The following NEAT1 variants were observed in gnomAD, a reference collection of about 807,000 sequenced individuals.
NEAT1 encodes MENepsilon/beta.
chr11:65,431,575 T>C (rs576092928), exon 1 of NEAT1: 3 of 152,298 alleles, frequency 2.0e-5, no homozygotes, highest in African/African-American at 7.2e-5. Flanking sequence ...CACTTGTTAT[T>C]TTCTGCTTTT....
exon 1 of NEAT1, chr11:65,441,305 T>C (rs1856711945): frequency 6.6e-6 from 1 of 152,172 alleles, no homozygotes; most frequent in African/African-American, 2.4e-5. Flanking sequence ...TTTTAGGAGC[T>C]TCAGTGGTTC....
chr11:65,433,072 T>G (rs1856627227), exon 1 of NEAT1: 1 of 151,948 alleles, frequency 6.6e-6, no homozygotes, highest in African/African-American at 2.4e-5. Context: ...TATTCCATGG[T>G]GTAGAGATAC....
exon 1 of NEAT1, chr11:65,434,056 T>C (rs1856636545): frequency 6.6e-6 from 1 of 152,190 alleles, no homozygotes; most frequent in African/African-American, 2.4e-5. Flanking sequence ...TTATGGAACA[T>C]TCTCATTTAA....
chr11:65,424,151 C>G (rs1856536423), exon 1 of NEAT1: 1 of 152,190 alleles, frequency 6.6e-6, no homozygotes, highest in African/African-American at 2.4e-5. Flanking sequence ...TCAGGAAGCC[C>G]TGTATTCAGG....
At chr11:65,442,406 G>C (rs528033890) in exon 1 of NEAT1, 1 of 151,986 alleles carries the variant, frequency 6.6e-6, no homozygotes, top group African/African-American at 2.4e-5. Context: ...AAGCTGGAAG[G>C]ACAGCATTCC....
exon 1 of NEAT1, chr11:65,438,167 A>G (rs1385635847): frequency 6.6e-6 from 1 of 152,210 alleles, no homozygotes; most frequent in Non-Finnish European, 1.5e-5. Context: ...ATATGTTGCC[A>G]TGCTGGACCC....
exon 1 of NEAT1, chr11:65,435,452 G>T (rs375966163): frequency 1.3e-5 from 2 of 152,092 alleles, no homozygotes; most frequent in East Asian, 1.9e-4. Context: ...ATGTCATATT[G>T]TACGTGTTGG....
exon 1 of NEAT1, chr11:65,425,475 G>GATCAGCATCCTTC (rs1856551935): frequency 6.6e-6 from 1 of 152,170 alleles, no homozygotes; most frequent in African/African-American, 2.4e-5. Context: ...ATACGCAGCA[G>GATCAGCATCCTTC]ATCAGCATCC....
chr11:65,444,592 G>A (rs771993001), exon 1 of NEAT1: 32 of 459,456 alleles, frequency 7.0e-5, no homozygotes, highest in South Asian at 7.8e-5. Flanking sequence ...GGGCTCCCAC[G>A]GACCCGCCGT....
exon 1 of NEAT1, chr11:65,424,096 G>A (rs1856535726): frequency 6.6e-6 from 1 of 152,300 alleles, no homozygotes; most frequent in Non-Finnish European, 1.5e-5. Flanking sequence ...ATTTCCAGAG[G>A]CTTAGGAGGA....
chr11:65,444,058 CAGTA>C (rs773158265), exon 1 of NEAT1: 5 of 180,104 alleles, frequency 2.8e-5, no homozygotes, highest in South Asian at 2.6e-4. Flanking sequence ...TCTGCTGCTG[CAGTA>C]AGTAAGTGCC....
exon 1 of NEAT1, chr11:65,443,363 C>T (rs780203923): frequency 9.9e-5 from 15 of 152,260 alleles, no homozygotes; most frequent in Admixed American, 2.6e-4. Flanking sequence ...TGCACACACA[C>T]TCCGCTGTCT....
At chr11:65,434,266 A>T (rs1043198187) in exon 1 of NEAT1, 9 of 152,142 alleles carry the variant, frequency 5.9e-5, no homozygotes, top group African/African-American at 2.2e-4. Context: ...CCTTACACAG[A>T]GTTGAAAGGT....
exon 1 of NEAT1, chr11:65,439,770 G>T (rs896118106): frequency 2.0e-5 from 3 of 152,104 alleles, no homozygotes; most frequent in African/African-American, 7.2e-5. Context: ...AATGATTAAG[G>T]TCTTGGGGGG....
exon 1 of NEAT1, chr11:65,426,503 A>G (rs1856563442): frequency 6.6e-6 from 1 of 152,238 alleles, no homozygotes; most frequent in African/African-American, 2.4e-5. Context: ...TTACAGCACA[A>G]ATAAAGTTTG....
At chr11:65,436,526 C>G (rs949761028) in exon 1 of NEAT1, 1 of 152,314 alleles carries the variant, frequency 6.6e-6, no homozygotes, top group African/African-American at 2.4e-5. Flanking sequence ...CCCCCAGCCT[C>G]CCTTCCCACA....
At chr11:65,425,555 A>C (rs1856552716) in exon 1 of NEAT1, 1 of 152,214 alleles carries the variant, frequency 6.6e-6, no homozygotes, top group African/African-American at 2.4e-5. Context: ...AGGAGCTGGA[A>C]GTCTTAGAAA....
chr11:65,444,676 C>T (rs938394007), exon 1 of NEAT1: 6 of 363,800 alleles, frequency 1.6e-5, no homozygotes, highest in African/African-American at 4.3e-5. Context: ...TGGCCTGGGG[C>T]AAGTACCGGC....
exon 1 of NEAT1, chr11:65,427,724 G>GC (rs1856575718): frequency 4.6e-5 from 7 of 152,036 alleles, no homozygotes; most frequent in Admixed American, 4.6e-4. Flanking sequence ...CCTTTGCTTT[G>GC]CTTTTTACCC....
Sources: allele counts gnomAD v4.1 joint callset, GRCh38; gene constraint gnomAD v4.1.1; transcripts MANE v1.5; gene names NCBI Gene and HGNC (gene_info 2026-07-23, HGNC 2026-07-21).